REEP5: variants seen among roughly 807,000 people sequenced by gnomAD.
REEP5 encodes receptor accessory protein 5, also known as receptor expression-enhancing protein 5.
A neutral mutation model predicts 22.4 loss-of-function variants in REEP5; 24 were observed. The observed-to-expected ratio is 1.07, with a 90% CI of 0.78 to 1.51. REEP5 has a LOEUF of 1.51. Ranked by LOEUF, REEP5 falls within the 40% of genes most tolerant of loss-of-function variation. The pLI is 0.00. For missense variants in REEP5, 252 were observed against 233.0 expected, an observed-to-expected ratio of 1.08 and a Z score of -0.53; for synonymous variants, 103 against 88.6, an observed-to-expected ratio of 1.16 and a Z score of -0.92.
chr5:112,892,571 G>C (rs191887893), intron 3 of REEP5: 1 of 1,614,120 alleles, frequency 6.2e-7, no homozygotes, highest in African/African-American at 1.3e-5. Flanking sequence ...CCAGTGACCC[G>C]GTGGAAAATG....
chr5:112,882,883 A>C (rs1768122203), intron 4 of REEP5, among the ~76,000 whole-genome samples: 1 of 152,162 alleles, frequency 6.6e-6, no homozygotes, highest in South Asian at 2.1e-4. Flanking sequence ...GAAATATGAA[A>C]CAATTAGAAA....
Position 112,887,191 on chromosome 5 carries a change from G to A in REEP5, c.352-8C>T. On this transcript the variant is annotated splice_polypyrimidine_tract_variant and splice_region_variant and intron_variant, in intron 3 of 4. Coordinates refer to ENST00000379638, the MANE Select transcript of REEP5 (RefSeq NM_005669.5). ...CCACAACAGGAAGCCACACTGCACA[G>A]AAAAAGAGCCAGCATGGGTAACAGG... 6.4e-7 allele frequency: 1 copy of A among 1,571,930 alleles called. No homozygotes were observed. The highest frequency in any genetic ancestry group is 1.2e-5 in the South Asian group (1 of 86,754).
intron 2 of REEP5, among the ~76,000 whole-genome samples, chr5:112,919,657 C>G (rs1203782505): frequency 6.6e-5 from 10 of 152,174 alleles, no homozygotes; most frequent in Non-Finnish European, 1.3e-4. Context: ...GTTGACCCTT[C>G]TACCATGTGA....
intron 1 of REEP5, 170 bp downstream of exon 1, chr5:112,921,903 C>T: frequency 1.2e-6 from 1 of 831,618 alleles, no homozygotes; most frequent in Non-Finnish European, 1.7e-6. Context: ...CCGCGGGGTC[C>T]TCCGATGCCC....
chr5:112,893,101 A>T (rs1285522135), intron 3 of REEP5: 3 of 712,882 alleles, frequency 4.2e-6, no homozygotes, highest in Non-Finnish European at 6.1e-6. Flanking sequence ...TCTTAAAAAA[A>T]AAAAAAAAAA....
At chr5:112,887,216 G>A in intron 3 of REEP5, 33 bp from the exon 4 acceptor site, 1 of 1,517,210 alleles carries the variant, frequency 6.6e-7, no homozygotes. Flanking sequence ...TGGGTAACAG[G>A]AGGGTGGAGG....
intron 3 of REEP5, chr5:112,896,757 A>AC (rs993462406): frequency 3.3e-5 from 5 of 151,368 alleles, no homozygotes; most frequent in Admixed American, 3.3e-4. Flanking sequence ...ACATGGTGAA[A>AC]CCCCGTCTCT....
At chr5:112,886,509 G>C (rs1264818027) in intron 4 of REEP5, among the ~76,000 whole-genome samples, 1 of 152,128 alleles carries the variant, frequency 6.6e-6, no homozygotes. Context: ...CAAGTGGAGA[G>C]AACACATACC....
At chr5:112,890,052 C>T (rs989647683) in intron 3 of REEP5, among the ~76,000 whole-genome samples, 3 of 150,338 alleles carry the variant, frequency 2.0e-5, no homozygotes, top group African/African-American at 7.5e-5. Context: ...GTCTTGAACT[C>T]CTGACCTCAA....
intron 3 of REEP5, chr5:112,892,290 G>T (rs755445568): frequency 6.2e-7 from 1 of 1,614,096 alleles, no homozygotes; most frequent in Admixed American, 1.7e-5. Context: ...TTGGAATGGA[G>T]CAGTGCAGGA....
At chr5:112,897,217 T>C (rs1768711549) in intron 3 of REEP5, 1 of 152,142 alleles carries the variant, frequency 6.6e-6, no homozygotes, top group Non-Finnish European at 1.5e-5. Flanking sequence ...CATATATATA[T>C]ACACATACAC....
intron 2 of REEP5, among the ~76,000 whole-genome samples, chr5:112,919,125 G>A (rs1242516035): frequency 6.6e-6 from 1 of 152,156 alleles, no homozygotes; most frequent in Non-Finnish European, 1.5e-5. Flanking sequence ...GTTACAAGAG[G>A]TATGGAGAAT....
intron 2 of REEP5, among the ~76,000 whole-genome samples, chr5:112,910,195 C>T (rs1769063544): frequency 2.0e-5 from 3 of 152,018 alleles, no homozygotes; most frequent in South Asian, 4.1e-4. Context: ...CCCAGCTACT[C>T]GGGAGGCTGA....
chr5:112,886,463 C>A (rs776614921), intron 4 of REEP5, among the ~76,000 whole-genome samples: 1 of 152,168 alleles, frequency 6.6e-6, no homozygotes, highest in Non-Finnish European at 1.5e-5. Flanking sequence ...GCATCCCAGG[C>A]TTGTCTCTAG....
chr5:112,876,954 A>G lies in REEP5; in HGVS notation c.*1832T>C, dbSNP rs1160230527. 1 of 152,152 alleles carries G rather than the reference A, an allele frequency of 6.6e-6. No homozygotes were observed. Among genetic ancestry groups the G allele is most frequent in the Non-Finnish European group, 1.5e-5 (1 of 68,014 alleles). 9.4% of individuals were successfully genotyped at this position (152,152 alleles called of 1,614,324 possible). Reference sequence around the variant, plus strand: ...TGATAATATATTCTATATGCTGTCAATCTGATTATATAGTCTATATGCTAG... The same window carrying G: ...TGATAATATATTCTATATGCTGTCAGTCTGATTATATAGTCTATATGCTAG... On this transcript the variant is annotated 3_prime_UTR_variant, in exon 5 of 5. Transcript: ENST00000379638.
At position 112,921,170 on chromosome 5, in the gene REEP5, A is replaced by T; in HGVS notation, c.205T>A (p.Tyr69Asn). ...GCAGGGTGTGTCACTTACGAGATGT[A>T]GGCTGGGTAGCCAAATCCTATCAGG... ...CNLIGFGYPA[Y>N]ISIKAIESPN... The change falls in exon 2 of 5, where the codon TAC becomes AAC. Residue 69 changes from tyrosine to asparagine, a missense_variant. Physicochemically the swap from Tyr to Asn is moderately radical, Grantham distance 143. Transcript: ENST00000379638. 1 of 1,614,082 alleles carries T rather than the reference A, an allele frequency of 6.2e-7. No homozygotes were observed. The highest frequency in any genetic ancestry group is 1.3e-5 in the African/African-American group (1 of 75,044).
intron 3 of REEP5, chr5:112,892,261 A>T: frequency 6.2e-7 from 1 of 1,614,138 alleles, no homozygotes; most frequent in Non-Finnish European, 8.5e-7. Context: ...CCTTCTTATT[A>T]AGAGCATGTT....
chr5:112,920,232 C>T (rs944488249), intron 2 of REEP5, among the ~76,000 whole-genome samples: 1 of 152,202 alleles, frequency 6.6e-6, no homozygotes, highest in Non-Finnish European at 1.5e-5. Context: ...CCCTTATAGT[C>T]ATAGACTAAA....
At chr5:112,917,415 G>C (rs1415949573) in intron 2 of REEP5, among the ~76,000 whole-genome samples, 1 of 152,172 alleles carries the variant, frequency 6.6e-6, no homozygotes, top group Non-Finnish European at 1.5e-5. Flanking sequence ...AACTCTGATA[G>C]TCCCAGGAAG....
Sources: allele counts gnomAD v4.1 joint callset (sites outside exome capture counted in the v4.1 genomes callset), GRCh38; gene constraint gnomAD v4.1.1; transcripts MANE v1.5; gene names NCBI Gene and HGNC (gene_info 2026-07-23, HGNC 2026-07-21).